Variants in PHB1 observed in about 807,000 individuals in gnomAD.
PHB1 encodes prohibitin 1.
At chr17:49,409,497 G>A in the PHB1 span, 1 of 1,487,654 alleles carries the variant, frequency 6.7e-7, no homozygotes, top group Non-Finnish European at 9.2e-7. Context: ...ACAAACACTG[G>A]AGTTAAAAAT....
At chr17:49,409,249 C>A in the PHB1 span, 1 of 1,590,850 alleles carries the variant, frequency 6.3e-7, no homozygotes, top group Non-Finnish European at 8.6e-7. Flanking sequence ...CCCAACCAAC[C>A]CACTGCCAAG....
the PHB1 span, chr17:49,409,583 C>G: frequency 4.5e-6 from 4 of 883,058 alleles, no homozygotes; most frequent in Non-Finnish European, 6.8e-6. Context: ...CTCTTGTTGC[C>G]TAGGCTGGAG....
the PHB1 span, chr17:49,404,587 G>A: frequency 7.1e-6 from 2 of 281,426 alleles, no homozygotes; most frequent in African/African-American, 2.2e-5. Context: ...GCCCTCATCC[G>A]CAAACCTTCC....
the PHB1 span, chr17:49,413,116 A>C: frequency 2.5e-6 from 3 of 1,223,468 alleles, no homozygotes; most frequent in Non-Finnish European, 3.6e-6. Flanking sequence ...CACATGGGCT[A>C]TGCAGACCAA....
At chr17:49,409,161 G>A in the PHB1 span, 1 of 1,610,144 alleles carries the variant, frequency 6.2e-7, no homozygotes, top group Admixed American at 1.7e-5. Flanking sequence ...AAGCGAGCCT[G>A]GTTTCAAAGG....
chr17:49,405,713 T>TATGATCAA, the PHB1 span, among the ~76,000 whole-genome samples: 15 of 152,214 alleles, frequency 9.9e-5, no homozygotes, highest in African/African-American at 3.6e-4. Flanking sequence ...AGGCCAAGGC[T>TATGATCAA]GCAGTGAGCT....
At chr17:49,406,669 T>C in the PHB1 span, 1 of 875,954 alleles carries the variant, frequency 1.1e-6, no homozygotes, top group Non-Finnish European at 2.0e-6. Context: ...GGATGACAGA[T>C]GATGAATTTC....
At chr17:49,408,098 C>A in the PHB1 span, among the ~76,000 whole-genome samples, 2 of 152,186 alleles carry the variant, frequency 1.3e-5, no homozygotes, top group Non-Finnish European at 2.9e-5. Context: ...TTTCTCACAG[C>A]CAAGGTGTTC....
the PHB1 span, chr17:49,412,162 A>G: frequency 8.4e-6 from 2 of 238,496 alleles, no homozygotes; most frequent in Non-Finnish European, 1.6e-5. Flanking sequence ...TCATCTACCA[A>G]AACTTCTAAA....
At chr17:49,405,070 G>A in the PHB1 span, 11 of 1,604,756 alleles carry the variant, frequency 6.9e-6, no homozygotes, top group Middle Eastern at 1.7e-4. Context: ...GCTGGTACGC[G>A]ATGTCCTCTG....
the PHB1 span, among the ~76,000 whole-genome samples, chr17:49,410,900 C>G: frequency 3.3e-5 from 5 of 152,320 alleles, no homozygotes; most frequent in Middle Eastern, 0.01. Flanking sequence ...CTTCTCATTA[C>G]TTGGACCATT....
chr17:49,411,781 C>G, the PHB1 span: 1 of 1,614,030 alleles, frequency 6.2e-7, no homozygotes, highest in African/African-American at 1.3e-5. Context: ...CTTCCCCTAC[C>G]ACAATGTCCT....
At chr17:49,408,864 G>T in the PHB1 span, 10 of 573,280 alleles carry the variant, frequency 1.7e-5, no homozygotes, top group African/African-American at 1.3e-4. Context: ...GAAGGTAAAA[G>T]AACCCTCAAC....
chr17:49,409,456 T>C, the PHB1 span: 1 of 1,613,788 alleles, frequency 6.2e-7, no homozygotes, highest in Non-Finnish European at 8.5e-7. Flanking sequence ...CGCAGTGTGA[T>C]GTTGACATTC....
the PHB1 span, among the ~76,000 whole-genome samples, chr17:49,405,920 C>G: frequency 6.6e-6 from 1 of 152,184 alleles, no homozygotes; most frequent in South Asian, 2.1e-4. Flanking sequence ...TAGGCTTGCC[C>G]TACCAATATC....
the PHB1 span, among the ~76,000 whole-genome samples, chr17:49,408,491 A>G: frequency 2.0e-5 from 3 of 152,194 alleles, no homozygotes; most frequent in Non-Finnish European, 4.4e-5. Context: ...CACACAAGCT[A>G]TAGTGTCTCA....
chr17:49,412,359 A>G, the PHB1 span: 11 of 155,240 alleles, frequency 7.1e-5, no homozygotes, highest in Admixed American at 6.9e-4. Flanking sequence ...GAAATTTATG[A>G]TGGCAATTTC....
chr17:49,409,532 GTTTTTTTTTTGTTTTTT>G, the PHB1 span: 1 of 744,666 alleles, frequency 1.3e-6, no homozygotes, highest in Non-Finnish European at 2.0e-6. Context: ...GAAAACAAGT[GTTTTTTTTTTGTTTTTT>G]TTTTTTTTTG....
chr17:49,409,538 T>G, the PHB1 span: 10 of 1,077,768 alleles, frequency 9.3e-6, no homozygotes, highest in African/African-American at 5.0e-5. Flanking sequence ...AAGTGTTTTT[T>G]TTTTGTTTTT....
Sources: gnomAD v4.1 joint callset for allele counts (sites outside exome capture counted in the v4.1 genomes callset) on GRCh38, gnomAD v4.1.1 for gene constraint, MANE v1.5 for transcripts, NCBI Gene and HGNC (gene_info 2026-07-23, HGNC 2026-07-21) for gene names.